Variants in CHCHD6 observed in about 807,000 individuals in gnomAD.
The protein encoded by CHCHD6 is coiled-coil-helix-coiled-coil-helix domain containing 6.
A neutral mutation model predicts 32.3 loss-of-function variants in CHCHD6; 28 were observed. The observed-to-expected ratio is 0.87, with a 90% CI of 0.64 to 1.19. The LOEUF (loss-of-function observed/expected upper bound fraction) is 1.19. CHCHD6 is among the 50% of genes most tolerant of loss of function. The probability of loss-of-function intolerance (pLI) is 0.00; values close to 1 mark genes in which losing one functional copy is unlikely to be tolerated. For synonymous variants in CHCHD6, 122 were observed against 117.5 expected (o/e 1.04, Z -0.25); for missense variants, 333 against 307.0 (o/e 1.08, Z -0.63).
rs182204799 is a variant in CHCHD6, at chr3:126,815,741, A to G, written c.412-36906A>G. On this transcript the variant is annotated intron_variant, in intron 4 of 7. Transcript: ENST00000290913. ...TCAGAAACACATAACTGGTCATGCC[A>G]CTCCTTTGATCTGAAGCATGCAATG... 1.6e-4 allele frequency among the ~76,000 whole-genome samples: 23 copies of G among 145,384 alleles called. 1 individual carries two copies. The highest frequency in any genetic ancestry group is 1.5e-3 in the Admixed American group (21 of 14,264).
Position 126,943,364 on chromosome 3 carries a change from C to T in CHCHD6, c.567-14052C>T, listed in dbSNP as rs536002714. Among the ~76,000 whole-genome samples the T allele has an allele frequency of 2.0e-5, 3 of 152,278 alleles. No individual in the cohort carries two copies. The East Asian group carries it at 5.8e-4, about 29-fold the overall frequency. ...AAATCGGAACAGAGTGTGCCTTCAC[C>T]TCTGCATGGCTGTGGGATGTGTCCA... On this transcript the variant is annotated intron_variant, in intron 6 of 7. Coordinates refer to ENST00000290913, the MANE Select transcript of CHCHD6 (RefSeq NM_032343.3).
intron 5 of CHCHD6, among the ~76,000 whole-genome samples, chr3:126,859,647 A>G (rs1191168781): frequency 6.6e-6 from 1 of 152,188 alleles, no homozygotes; most frequent in Non-Finnish European, 1.5e-5. Context: ...TATATTACAC[A>G]TGTTCTACAA....
chr3:126,758,663 A>T (rs1457614714), intron 4 of CHCHD6, among the ~76,000 whole-genome samples: 2 of 152,188 alleles, frequency 1.3e-5, no homozygotes, highest in Non-Finnish European at 2.9e-5. Context: ...TTAATTCTCA[A>T]GCCACTCTCA....
chr3:126,838,329 C>G (rs1940942507), intron 4 of CHCHD6, among the ~76,000 whole-genome samples: 1 of 152,190 alleles, frequency 6.6e-6, no homozygotes. Context: ...CCTCTCCCTC[C>G]TGGCACAGGT....
intron 4 of CHCHD6, among the ~76,000 whole-genome samples, chr3:126,777,926 C>T (rs968963317): frequency 6.6e-6 from 1 of 152,174 alleles, no homozygotes; most frequent in Admixed American, 6.5e-5. Flanking sequence ...AGCAGTCACT[C>T]CCTATTTCCC....
At chr3:126,943,256 A>G (rs1007283029) in intron 6 of CHCHD6, among the ~76,000 whole-genome samples, 2 of 152,182 alleles carry the variant, frequency 1.3e-5, no homozygotes, top group Non-Finnish European at 2.9e-5. Flanking sequence ...GAAAAGGACA[A>G]TTGAAGGACA....
rs775408766 is a variant in CHCHD6, at chr3:126,852,640, C to T, written c.412-7C>T. 1 of 1,612,462 alleles carries T rather than the reference C, an allele frequency of 6.2e-7. No homozygotes were observed. The highest frequency in any genetic ancestry group is 8.5e-7 in the Non-Finnish European group (1 of 1,178,618). ...GGCTAACGTGGGCTTTGTTCTCTTC[C>T]AAGCAGGCCAGGGAGCTGGAGAGCA... is the stretch of plus-strand genomic sequence containing the variant. On this transcript the variant is annotated splice_region_variant and splice_polypyrimidine_tract_variant and intron_variant, in intron 4 of 7. Coordinates refer to ENST00000290913, the MANE Select transcript of CHCHD6 (RefSeq NM_032343.3).
chr3:126,771,535 T>C (rs1576396350), intron 4 of CHCHD6, among the ~76,000 whole-genome samples: 1 of 152,270 alleles, frequency 6.6e-6, no homozygotes, highest in East Asian at 1.9e-4. Context: ...TCCTCTCTTA[T>C]TTTCTTTGTT....
chr3:126,833,709 G>T (rs974450608), intron 4 of CHCHD6, among the ~76,000 whole-genome samples: 9 of 152,196 alleles, frequency 5.9e-5, no homozygotes, highest in Non-Finnish European at 2.9e-5. Flanking sequence ...CGAGAAGATT[G>T]TTGAAAATTA....
intron 3 of CHCHD6, among the ~76,000 whole-genome samples, chr3:126,731,098 TAAAA>T (rs34596059): frequency 0.017 from 1,240 of 73,948 alleles, 12 homozygotes; most frequent in Middle Eastern, 0.07. Flanking sequence ...ACCCTGTCTC[TAAAA>T]AAAAAAAAAA....
intron 6 of CHCHD6, among the ~76,000 whole-genome samples, chr3:126,933,670 C>T (rs894092274): frequency 5.3e-5 from 8 of 152,258 alleles, no homozygotes; most frequent in South Asian, 2.1e-4. Context: ...TGAGGGACCC[C>T]GACCCCTATG....
At chr3:126,894,521 G>A (rs185538726) in intron 5 of CHCHD6, among the ~76,000 whole-genome samples, 63 of 152,342 alleles carry the variant, frequency 4.1e-4, no homozygotes, top group Non-Finnish European at 8.2e-4. Context: ...GAAGAGGTAG[G>A]GGAGAGGAGT....
intron 6 of CHCHD6, among the ~76,000 whole-genome samples, chr3:126,932,191 G>C (rs534155553): frequency 6.6e-6 from 1 of 152,158 alleles, no homozygotes; most frequent in African/African-American, 2.4e-5. Context: ...AGCACCTCTC[G>C]GTAGCCCTGA....
At chr3:126,941,448 G>A (rs1163309080) in intron 6 of CHCHD6, among the ~76,000 whole-genome samples, 2 of 152,174 alleles carry the variant, frequency 1.3e-5, no homozygotes, top group Non-Finnish European at 2.9e-5. Context: ...AAGCTTTTCT[G>A]CCTTGATGAT....
intron 4 of CHCHD6, among the ~76,000 whole-genome samples, chr3:126,851,419 T>C (rs1389776395): frequency 6.6e-6 from 1 of 152,224 alleles, no homozygotes; most frequent in African/African-American, 2.4e-5. Flanking sequence ...TGAACTTAGG[T>C]TCACAGTCTA....
chr3:126,733,008 A>G (rs889428070), intron 3 of CHCHD6, 70 bp from the exon 4 acceptor site: 15 of 1,557,984 alleles, frequency 9.6e-6, no homozygotes, highest in African/African-American at 1.4e-5. Context: ...GAGTGCGCAG[A>G]TCTTGTCTTG....
At chr3:126,874,945 G>T (rs1179099240) in intron 5 of CHCHD6, among the ~76,000 whole-genome samples, 1 of 152,184 alleles carries the variant, frequency 6.6e-6, no homozygotes, top group African/African-American at 2.4e-5. Flanking sequence ...CTGCCTTGGG[G>T]TGCACTTGGT....
chr3:126,783,581 A>G (rs1470207752), intron 4 of CHCHD6, among the ~76,000 whole-genome samples: 1 of 152,284 alleles, frequency 6.6e-6, no homozygotes, highest in Non-Finnish European at 1.5e-5. Context: ...TTAGAACTGT[A>G]AAATTGCAGG....
At chr3:126,928,053 A>G (rs1318270812) in intron 6 of CHCHD6, among the ~76,000 whole-genome samples, 2 of 152,200 alleles carry the variant, frequency 1.3e-5, no homozygotes, top group African/African-American at 4.8e-5. Flanking sequence ...GTTCATTGGT[A>G]AAGCGTTTCC....
Sources: allele counts gnomAD v4.1 joint callset (sites outside exome capture counted in the v4.1 genomes callset), GRCh38; gene constraint gnomAD v4.1.1; transcripts MANE v1.5; gene names NCBI Gene and HGNC (gene_info 2026-07-23, HGNC 2026-07-21).